The following GRB2 variants were observed in gnomAD, a reference collection of about 807,000 sequenced individuals.
The protein encoded by GRB2 is growth factor receptor-bound protein 2.
A neutral mutation model predicts 27.4 loss-of-function variants in GRB2; 2 were observed. The ratio of observed to expected loss-of-function variants is 0.07; its 90% CI spans 0.03 to 0.23. The LOEUF (loss-of-function observed/expected upper bound fraction) is 0.23, where lower values mean the gene tolerates loss of function less well. GRB2 is among the 10% of genes least tolerant of loss of function. The pLI is 1.00. For synonymous variants in GRB2, 94 were observed against 99.6 expected (o/e 0.94, Z 0.33); for missense variants, 102 against 282.4 (o/e 0.36, Z 4.58).
chr17:75,392,467 A>G (rs2079004391), intron 2 of GRB2, among the ~76,000 whole-genome samples: 1 of 152,240 alleles, frequency 6.6e-6, no homozygotes, highest in Non-Finnish European at 1.5e-5. Context: ...GGCAAAATAA[A>G]GACTATCAAT....
chr17:75,327,073 CT>C (rs66526663), intron 3 of GRB2, among the ~76,000 whole-genome samples: 23 of 135,800 alleles, frequency 1.7e-4, no homozygotes, highest in African/African-American at 3.7e-4. Flanking sequence ...CATATCTTTT[CT>C]TTTTTTTTTT....
chr17:75,346,518 A>G (rs1402256408), intron 2 of GRB2, among the ~76,000 whole-genome samples: 1 of 149,572 alleles, frequency 6.7e-6, no homozygotes, highest in Non-Finnish European at 1.5e-5. Flanking sequence ...ACAGGTATCA[A>G]TCTTATGCTG....
At position 75,324,507 on chromosome 17, in the gene GRB2, G is replaced by GTTTTTTTTTTTTTTT. The variant is rs767194304; in HGVS notation, c.299+1376_299+1390dup. ...TTACAGGTGTGAGCCACCGCACCCA[G>GTTTTTTTTTTTTTTT]TTTTTTTTTTTTTTTTTTTTTTTTT... On this transcript the variant is annotated intron_variant, in intron 4 of 5. Coordinates refer to ENST00000316804, the MANE Select transcript of GRB2 (RefSeq NM_002086.5). 3.0e-4 allele frequency among the ~76,000 whole-genome samples: 11 copies of GTTTTTTTTTTTTTTT among 36,704 alleles called. 2 individuals carry two copies. The highest frequency in any genetic ancestry group is 4.1e-4 in the African/African-American group (5 of 12,198). 24.1% of individuals were successfully genotyped at this position (36,704 alleles called of 152,430 possible). A position where few individuals can be genotyped will look rare whatever the true frequency, so the allele number is the denominator to read the frequency against.
intron 2 of GRB2, among the ~76,000 whole-genome samples, chr17:75,385,829 A>C (rs1398075960): frequency 6.6e-6 from 1 of 152,226 alleles, no homozygotes; most frequent in Non-Finnish European, 1.5e-5. Context: ...GTGCAAGTGT[A>C]GGCATTATTC....
At chr17:75,326,269 T>C (rs998540316) in intron 3 of GRB2, 8 of 500,564 alleles carry the variant, frequency 1.6e-5, no homozygotes, top group Admixed American at 1.3e-4. Flanking sequence ...ACTCTTTCTA[T>C]AGAGGGAGAC....
chr17:75,321,865 C>A (rs2078462506), intron 4 of GRB2, 38 bp from the exon 5 acceptor site: 1 of 1,604,020 alleles, frequency 6.2e-7, no homozygotes, highest in Admixed American at 1.7e-5. Flanking sequence ...CGGCTAAAGG[C>A]TCTAACTTGG....
rs187775808 is a variant in GRB2 at position 75,391,591 on chromosome 17, G to A, written c.78+1960C>T. On this transcript the variant is annotated intron_variant, in intron 2 of 5. Coordinates refer to ENST00000316804, the MANE Select transcript of GRB2 (RefSeq NM_002086.5). ...TGGGAGGCCGAGGTGGGCAGATCAC[G>A]AGGTCAGGAGATTGAGATCATCCTG... 3.6e-3 allele frequency among the ~76,000 whole-genome samples: 548 copies of A among 152,216 alleles called. 4 individuals are homozygous for A. Among genetic ancestry groups the A allele is most frequent in the African/African-American group, 0.013 (521 of 41,510 alleles).
Position 75,321,840 on chromosome 17 carries a change from G to T in GRB2, c.300-13C>A. The T allele has an allele frequency of 6.2e-7, 1 of 1,612,654 alleles. No homozygotes were observed. Among genetic ancestry groups the T allele is most frequent in the Middle Eastern group, 1.7e-4 (1 of 5,834 alleles). On this transcript the variant is annotated splice_polypyrimidine_tract_variant and intron_variant, in intron 4 of 5. Transcript: ENST00000316804. ...ATCGTTTCCAAACCTGGGAGGGACA[G>T]AAAGCACATGTGACCGGCTAAAGGC... is the stretch of plus-strand genomic sequence containing the variant.
chr17:75,324,440 C>G (rs1175190027), intron 4 of GRB2, among the ~76,000 whole-genome samples: 3 of 142,260 alleles, frequency 2.1e-5, no homozygotes, highest in African/African-American at 7.9e-5. Flanking sequence ...GAACTTCTGA[C>G]CTCAGGTGAT....
At chr17:75,373,444 A>G (rs2078869145) in intron 2 of GRB2, 1 of 152,190 alleles carries the variant, frequency 6.6e-6, no homozygotes, top group South Asian at 2.1e-4. Flanking sequence ...ATTGAAAGAC[A>G]ATTTAACTTC....
intron 1 of GRB2, among the ~76,000 whole-genome samples, chr17:75,403,148 C>G (rs1464103609): frequency 7.3e-6 from 1 of 136,780 alleles, no homozygotes; most frequent in Non-Finnish European, 1.5e-5. Flanking sequence ...CAACTTTGAC[C>G]AAAAAAAATA....
intron 2 of GRB2, among the ~76,000 whole-genome samples, chr17:75,368,547 T>TG (rs2078835822): frequency 6.6e-6 from 1 of 150,390 alleles, no homozygotes; most frequent in Non-Finnish European, 1.5e-5. Context: ...TGTTGTTTTT[T>TG]TTTTTAAAGA....
intron 2 of GRB2, chr17:75,338,889 C>G: frequency 1.2e-6 from 1 of 838,594 alleles, no homozygotes; most frequent in Non-Finnish European, 2.1e-6. Flanking sequence ...ATCAACCCCA[C>G]AAAGTGACAC....
chr17:75,338,165 G>A (rs1172378798), intron 2 of GRB2, among the ~76,000 whole-genome samples: 1 of 151,902 alleles, frequency 6.6e-6, no homozygotes, highest in Non-Finnish European at 1.5e-5. Context: ...TCTGACCTCA[G>A]GTGATTTGCC....
At chr17:75,340,615 C>G (rs1373639111) in intron 2 of GRB2, among the ~76,000 whole-genome samples, 1 of 152,204 alleles carries the variant, frequency 6.6e-6, no homozygotes, top group Non-Finnish European at 1.5e-5. Context: ...CACTCAAAGT[C>G]AGTTCTCTTC....
intron 2 of GRB2, among the ~76,000 whole-genome samples, chr17:75,348,563 T>C (rs1159443600): frequency 6.6e-6 from 1 of 152,194 alleles, no homozygotes; most frequent in Non-Finnish European, 1.5e-5. Flanking sequence ...CTCAGAAGTG[T>C]TTATGAGCTA....
At chr17:75,350,767 C>A (rs934208329) in intron 2 of GRB2, among the ~76,000 whole-genome samples, 4 of 152,220 alleles carry the variant, frequency 2.6e-5, no homozygotes, top group African/African-American at 9.6e-5. Context: ...GCTGGGATTA[C>A]AGGCGTGAAG....
At chr17:75,376,024 C>CAAAA (rs1162791260) in intron 2 of GRB2, among the ~76,000 whole-genome samples, 3 of 47,280 alleles carry the variant, frequency 6.3e-5, no homozygotes, top group Non-Finnish European at 5.7e-5. Flanking sequence ...GACTCCGTCT[C>CAAAA]AGAAAAAAAA....
intron 2 of GRB2, chr17:75,371,863 C>T (rs985256732): frequency 3.3e-5 from 5 of 151,958 alleles, no homozygotes; most frequent in African/African-American, 9.7e-5. Flanking sequence ...CTGGCAAAAG[C>T]GTTGACCAAT....
Sources: gnomAD v4.1 joint callset for allele counts (sites outside exome capture counted in the v4.1 genomes callset) on GRCh38, gnomAD v4.1.1 for gene constraint, MANE v1.5 for transcripts, NCBI Gene and HGNC (gene_info 2026-07-23, HGNC 2026-07-21) for gene names.